The following TRIM2 variants were observed in gnomAD, a reference collection of about 807,000 sequenced individuals.
TRIM2 encodes the protein tripartite motif containing 2, also known as tripartite motif-containing protein 2.
Under a neutral mutation model 75.2 loss-of-function variants are expected in TRIM2, and 20 were observed. The ratio of observed to expected loss-of-function variants is 0.27; its 90% CI spans 0.19 to 0.39. The LOEUF (loss-of-function observed/expected upper bound fraction) is 0.39. TRIM2 is among the 10% of genes least tolerant of loss of function. The probability of loss-of-function intolerance (pLI) is 1.00; values close to 1 mark genes in which losing one functional copy is unlikely to be tolerated. For synonymous variants in TRIM2, 373 were observed against 388.3 expected (o/e 0.96, Z 0.46); for missense variants, 660 against 990.8 (o/e 0.67, Z 4.48).
At chr4:153,247,754 T>C (rs1039048462) in intron 1 of TRIM2, among the ~76,000 whole-genome samples, 3 of 151,960 alleles carry the variant, frequency 2.0e-5, no homozygotes, top group South Asian at 4.2e-4. Context: ...CTATCATTTA[T>C]TGATGTATTT....
chr4:153,283,642 CTT>C (rs766776861), intron 3 of TRIM2, among the ~76,000 whole-genome samples: 18 of 124,502 alleles, frequency 1.4e-4, no homozygotes, highest in Admixed American at 2.5e-4. Context: ...TGTTTTTTTT[CTT>C]TTTTTTTTTT....
chr4:153,304,593 T>C (rs555462616), intron 6 of TRIM2, among the ~76,000 whole-genome samples: 1 of 152,094 alleles, frequency 6.6e-6, no homozygotes, highest in Non-Finnish European at 1.5e-5. Context: ...TGAAATGAGA[T>C]ACAAGCAGAG....
intron 1 of TRIM2, among the ~76,000 whole-genome samples, chr4:153,220,377 G>GAGTGTCCTTAGCTAAGAA (rs1436672817): frequency 5.3e-5 from 8 of 152,186 alleles, no homozygotes; most frequent in African/African-American, 1.9e-4. Context: ...AGGACACAGT[G>GAGTGTCCTTAGCTAAGAA]CATCTGTGAG....
upstream of TRIM2, chr4:153,152,706 C>T (rs954209311): frequency 6.6e-6 from 1 of 152,040 alleles, no homozygotes; most frequent in South Asian, 2.1e-4. Context: ...GCTTCTTACG[C>T]TTTGCATGGT....
At chr4:153,158,502 T>C (rs538046645) in intron 1 of TRIM2, among the ~76,000 whole-genome samples, 17 of 152,300 alleles carry the variant, frequency 1.1e-4, no homozygotes, top group African/African-American at 4.1e-4. Context: ...TTTAAATCTG[T>C]TAAATAATCA....
At chr4:153,183,079 G>A (rs1321158834) in intron 1 of TRIM2, among the ~76,000 whole-genome samples, 1 of 152,238 alleles carries the variant, frequency 6.6e-6, no homozygotes, top group Non-Finnish European at 1.5e-5. Context: ...TGGCTGAATA[G>A]GAAGTGTGGG....
At chr4:153,313,605 G>A (rs1027167359) in intron 6 of TRIM2, among the ~76,000 whole-genome samples, 4 of 146,566 alleles carry the variant, frequency 2.7e-5, no homozygotes, top group Non-Finnish European at 6.0e-5. Flanking sequence ...CATTGATGTC[G>A]AAAAACAAAA....
Position 153,336,156 on chromosome 4 carries a change from G to A in TRIM2, c.*1190G>A, listed in dbSNP as rs1772420505. 6.1e-6 allele frequency: 6 copies of A among 984,704 alleles called. No homozygotes were observed. The highest frequency in any genetic ancestry group is 7.2e-6 in the Non-Finnish European group (6 of 829,748). The allele number at this position is 984,704 out of a possible 1,614,324, so 61.0% of individuals were successfully genotyped here. A position where few individuals can be genotyped will look rare whatever the true frequency, so the allele number is the denominator to read the frequency against. On this transcript the variant is annotated 3_prime_UTR_variant, in exon 12 of 12. Coordinates refer to ENST00000338700, the MANE Select transcript of TRIM2 (RefSeq NM_015271.5). ...TATACACACACACATATATATAGCTGAATCTTTGGTGTATTGAAATAGGCA... is the reference window on the plus strand; with the variant it reads ...TATACACACACACATATATATAGCTAAATCTTTGGTGTATTGAAATAGGCA...
intron 1 of TRIM2, among the ~76,000 whole-genome samples, chr4:153,208,438 AT>A (rs1406189365): frequency 1.3e-5 from 2 of 151,958 alleles, no homozygotes; most frequent in African/African-American, 2.4e-5. Flanking sequence ...ATAATAAATA[AT>A]TTTATTATTT....
chr4:153,226,103 T>C (rs1296010552), intron 1 of TRIM2, among the ~76,000 whole-genome samples: 1 of 152,218 alleles, frequency 6.6e-6, no homozygotes, highest in Non-Finnish European at 1.5e-5. Flanking sequence ...GCTCCTGGCC[T>C]CAAGCAATCC....
intron 1 of TRIM2, among the ~76,000 whole-genome samples, chr4:153,188,079 G>A (rs1732791632): frequency 6.6e-6 from 1 of 152,220 alleles, no homozygotes; most frequent in African/African-American, 2.4e-5. Context: ...AGGTTCCTAG[G>A]ACGAAAGCAC....
intron 1 of TRIM2, among the ~76,000 whole-genome samples, chr4:153,191,262 G>T (rs2149659804): frequency 6.6e-6 from 1 of 152,274 alleles, no homozygotes; most frequent in South Asian, 2.1e-4. Context: ...GGCCTCCCTT[G>T]TTTTCCCCAA....
intron 1 of TRIM2, among the ~76,000 whole-genome samples, chr4:153,267,759 CTT>C (rs1217282168): frequency 1.1e-3 from 141 of 128,202 alleles, no homozygotes; most frequent in Middle Eastern, 4.4e-3. Flanking sequence ...CCTTCTCTCT[CTT>C]TCTTTTCCTT....
At position 153,336,789 on chromosome 4, in the gene TRIM2, C is replaced by T; in HGVS notation, c.*1823C>T. The stretch of plus-strand genomic sequence containing the variant: ...AAATTTATTATGCCCAAATCAACCT[C>T]TGAAAAAAGGTTTTTCCAGGAAGAT... On this transcript the variant is annotated 3_prime_UTR_variant, in exon 12 of 12. Transcript: ENST00000338700. The T allele has an allele frequency of 1.0e-6, 1 of 985,544 alleles. No individual in the cohort carries two copies. Among genetic ancestry groups the T allele is most frequent in the Non-Finnish European group, 1.2e-6 (1 of 829,728 alleles). The allele number at this position is 985,544 out of a possible 1,614,324, so 61.0% of individuals were successfully genotyped here.
chr4:153,304,804 C>CTTA lies in TRIM2; in HGVS notation c.1510+8770_1510+8772dup, dbSNP rs564176910. On this transcript the variant is annotated intron_variant, in intron 6 of 11. Coordinates refer to ENST00000338700, the MANE Select transcript of TRIM2 (RefSeq NM_015271.5). The stretch of plus-strand genomic sequence containing the variant: ...CTGCATTCTGCAAGCTCCAGTGCTA[C>CTTA]TTATGCACACTAAGGTTTGGAAACC... Among the ~76,000 whole-genome samples the CTTA allele has an allele frequency of 4.3e-4, 65 of 152,330 alleles. 2 individuals carry two copies. The highest frequency in any genetic ancestry group is 3.6e-3 in the Admixed American group (55 of 15,294).
chr4:153,275,667 C>T (rs1166490672), intron 2 of TRIM2, among the ~76,000 whole-genome samples: 1 of 152,204 alleles, frequency 6.6e-6, no homozygotes. Flanking sequence ...CTAGAAAACA[C>T]TACAAAAGTC....
At chr4:153,249,263 T>C (rs1750167451) in intron 1 of TRIM2, among the ~76,000 whole-genome samples, 1 of 152,218 alleles carries the variant, frequency 6.6e-6, no homozygotes, top group Non-Finnish European at 1.5e-5. Flanking sequence ...GGACCCGCCT[T>C]CTTTTCTTCC....
intron 1 of TRIM2, among the ~76,000 whole-genome samples, chr4:153,208,822 C>G (rs1201959845): frequency 6.6e-6 from 1 of 152,116 alleles, no homozygotes; most frequent in East Asian, 1.9e-4. Flanking sequence ...AGATGATGCT[C>G]CAGAGGATTC....
chr4:153,187,242 G>GA (rs1052134491), intron 1 of TRIM2, among the ~76,000 whole-genome samples: 1 of 152,056 alleles, frequency 6.6e-6, no homozygotes, highest in East Asian at 1.9e-4. Context: ...CCCAAAGGAT[G>GA]AAAAAAAATT....
Sources: allele counts gnomAD v4.1 joint callset (sites outside exome capture counted in the v4.1 genomes callset), GRCh38; gene constraint gnomAD v4.1.1; transcripts MANE v1.5; gene names NCBI Gene and HGNC (gene_info 2026-07-23, HGNC 2026-07-21).